DLG1: variants seen among roughly 807,000 people sequenced by gnomAD.
DLG1 encodes discs large MAGUK scaffold protein 1, also known as disks large homolog 1.
DLG1 carries 42 observed loss-of-function variants against 123.4 expected under a neutral mutation model. The ratio of observed to expected loss-of-function variants is 0.34; its 90% CI spans 0.27 to 0.44. DLG1 has a LOEUF of 0.44. Among genes scored for constraint, DLG1 ranks in the 20% least tolerant of loss-of-function variants. The pLI is 1.00. For missense variants in DLG1, 942 were observed against 1,082.6 expected, an observed-to-expected ratio of 0.87 and a Z score of 1.82; for synonymous variants, 317 against 356.2, an observed-to-expected ratio of 0.89 and a Z score of 1.24.
chr3:197,157,913 G>T (rs1284339740), intron 5 of DLG1, among the ~76,000 whole-genome samples: 1 of 152,126 alleles, frequency 6.6e-6, no homozygotes, highest in African/African-American at 2.4e-5. Context: ...AATGGATCAT[G>T]ATCTAAATGT....
chr3:197,229,404 G>A (rs1416890036), intron 4 of DLG1, among the ~76,000 whole-genome samples: 1 of 143,586 alleles, frequency 7.0e-6, no homozygotes, highest in African/African-American at 2.6e-5. Context: ...CTTGAGCTAT[G>A]ATTGAGCCAC....
At chr3:197,253,993 T>C (rs1755696778) in intron 4 of DLG1, among the ~76,000 whole-genome samples, 1 of 151,864 alleles carries the variant, frequency 6.6e-6, no homozygotes, top group Non-Finnish European at 1.5e-5. Flanking sequence ...AAAGAAGCCT[T>C]TTGTAAGAAG....
In DLG1 at chr3:197,059,974, A is replaced by C; in HGVS notation, c.2398T>G (p.Ser800Ala). ...TGTAATCTCTTTATGGCATTTCCAG[A>C]CACATCAAGGATACAGTGTTTGCCC... ...EKGKHCILDV[S>A]GNAIKRLQIA... The change falls in exon 23 of 25, where the codon TCT (serine) becomes GCT (alanine). Residue 800 changes from serine to alanine, a missense_variant. Coordinates refer to ENST00000667157, the MANE Select transcript of DLG1 (RefSeq NM_001366207.1). 6.2e-7 allele frequency: 1 copy of C among 1,613,808 alleles called. No homozygotes were observed. The highest frequency in any genetic ancestry group is 8.5e-7 in the Non-Finnish European group (1 of 1,179,852).
chr3:197,171,784 A>G (rs920753814), intron 5 of DLG1, among the ~76,000 whole-genome samples: 6 of 152,220 alleles, frequency 3.9e-5, no homozygotes, highest in Non-Finnish European at 8.8e-5. Flanking sequence ...ATATATGGTT[A>G]CATAATTGAC....
intron 5 of DLG1, among the ~76,000 whole-genome samples, chr3:197,179,740 C>G (rs1471684820): frequency 6.6e-6 from 1 of 152,146 alleles, no homozygotes; most frequent in African/African-American, 2.4e-5. Flanking sequence ...GTTATTCTCT[C>G]TATTGGACAA....
chr3:197,249,156 C>G (rs1753178769), intron 4 of DLG1, among the ~76,000 whole-genome samples: 1 of 151,884 alleles, frequency 6.6e-6, no homozygotes. Flanking sequence ...ACAAAATCAA[C>G]TACCTTTTAG....
chr3:197,105,682 G>C (rs914565624), intron 13 of DLG1, among the ~76,000 whole-genome samples: 2 of 152,164 alleles, frequency 1.3e-5, no homozygotes, highest in Admixed American at 1.3e-4. Context: ...ATTTCTCAAA[G>C]GTTACCAATA....
intron 3 of DLG1, among the ~76,000 whole-genome samples, chr3:197,289,944 T>C (rs551285470): frequency 3.3e-5 from 5 of 152,264 alleles, no homozygotes; most frequent in Admixed American, 6.5e-5. Context: ...ACAAGGTGTG[T>C]ACTAAAAGGA....
At chr3:197,143,140 T>TG (rs1157354250) in intron 6 of DLG1, among the ~76,000 whole-genome samples, 1 of 152,242 alleles carries the variant, frequency 6.6e-6, no homozygotes, top group Non-Finnish European at 1.5e-5. Flanking sequence ...CTAATACCTT[T>TG]GTTCAGGCCT....
At chr3:197,298,813 G>T (rs1166345493), upstream of DLG1, among the ~76,000 whole-genome samples, 1 of 152,168 alleles carries the variant, frequency 6.6e-6, no homozygotes, top group Non-Finnish European at 1.5e-5. Context: ...CATTACAGAA[G>T]GACATATGAA....
chr3:197,085,604 A>G lies in DLG1; in HGVS notation c.1814T>C (p.Val605Ala), dbSNP rs1401942383. ...CCTGCGTTTACTGGGAATCACTCCG[A>G]CCTCATCGCTCTCACCATCTGGTGT... ...QVTPDGESDE[V>A]GVIPSKRRVE... Residue 605 changes from valine to alanine, a missense_variant, in exon 16 of 25, where the codon GTC becomes GCC. Coordinates refer to ENST00000667157, the MANE Select transcript of DLG1 (RefSeq NM_001366207.1). 1 of 1,613,950 alleles carries G rather than the reference A, an allele frequency of 6.2e-7. No individual in the cohort carries two copies. The highest frequency in any genetic ancestry group is 1.7e-5 in the Admixed American group (1 of 59,998).
intron 14 of DLG1, among the ~76,000 whole-genome samples, chr3:197,103,614 A>C (rs1764714676): frequency 6.6e-6 from 1 of 151,638 alleles, no homozygotes; most frequent in African/African-American, 2.4e-5. Flanking sequence ...CCAATTAAAC[A>C]AATTTTCCCC....
At chr3:197,221,243 C>A (rs1410844116) in intron 4 of DLG1, among the ~76,000 whole-genome samples, 1 of 152,150 alleles carries the variant, frequency 6.6e-6, no homozygotes, top group Non-Finnish European at 1.5e-5. Context: ...AGGGACCGGG[C>A]GTGGTGGCTC....
In DLG1 at chr3:197,189,347, T is replaced by C. The variant is rs943906580; in HGVS notation, c.483+5078A>G. ...TTTTAAAGTTTAAATTTTTAAAAAC[T>C]TGATACATCATATTACACAGGAAAT... On this transcript the variant is annotated intron_variant, in intron 5 of 24. Transcript: ENST00000667157. 5.3e-5 allele frequency among the ~76,000 whole-genome samples: 8 copies of C among 152,358 alleles called. 1 individual carries two copies. The highest frequency in any genetic ancestry group is 1.9e-4 in the African/African-American group (8 of 41,592).
chr3:197,195,151 TAAAG>T (rs1361207562), intron 4 of DLG1, among the ~76,000 whole-genome samples: 24 of 151,760 alleles, frequency 1.6e-4, no homozygotes, highest in Admixed American at 1.5e-3. Flanking sequence ...ATGGCATAAA[TAAAG>T]ACACACTGAG....
intron 5 of DLG1, among the ~76,000 whole-genome samples, chr3:197,151,419 C>G (rs1286875196): frequency 2.0e-5 from 3 of 152,012 alleles, no homozygotes; most frequent in African/African-American, 7.2e-5. Flanking sequence ...TAGAAGTTAC[C>G]TTTTGATTCT....
intron 4 of DLG1, among the ~76,000 whole-genome samples, chr3:197,202,194 T>A (rs1046791767): frequency 3.9e-5 from 6 of 152,114 alleles, no homozygotes; most frequent in African/African-American, 1.4e-4. Flanking sequence ...TGAGAAGAAT[T>A]ACAAAACGAG....
At chr3:197,061,037 C>T (rs1321287704) in intron 22 of DLG1, among the ~76,000 whole-genome samples, 1 of 152,180 alleles carries the variant, frequency 6.6e-6, no homozygotes, top group Non-Finnish European at 1.5e-5. Flanking sequence ...TTCCTGACCT[C>T]AAGTGATCCA....
intron 4 of DLG1, among the ~76,000 whole-genome samples, chr3:197,222,829 T>G (rs1737841609): frequency 6.6e-6 from 1 of 152,192 alleles, no homozygotes; most frequent in South Asian, 2.1e-4. Flanking sequence ...CAAACATACT[T>G]TAATGCTTTA....
Sources: gnomAD v4.1 joint callset for allele counts (sites outside exome capture counted in the v4.1 genomes callset) on GRCh38, gnomAD v4.1.1 for gene constraint, MANE v1.5 for transcripts, NCBI Gene and HGNC (gene_info 2026-07-23, HGNC 2026-07-21) for gene names.